FER: variants seen among roughly 807,000 people sequenced by gnomAD.
FER encodes tyrosine-protein kinase Fer.
A neutral mutation model predicts 111.0 loss-of-function variants in FER; 63 were observed. The ratio of observed to expected loss-of-function variants is 0.57; its 90% CI spans 0.46 to 0.70. The LOEUF is 0.70. FER is among the 30% of genes least tolerant of loss of function. The pLI, the probability that FER is intolerant of heterozygous loss-of-function variation, is 0.00. For synonymous variants in FER, 327 were observed against 313.9 expected (o/e 1.04, Z -0.44); for missense variants, 914 against 954.0 (o/e 0.96, Z 0.55).
At chr5:108,980,396 A>C (rs956360363) in intron 13 of FER, among the ~76,000 whole-genome samples, 1 of 152,126 alleles carries the variant, frequency 6.6e-6, no homozygotes, top group Admixed American at 6.6e-5. Context: ...AAGGTCTAAA[A>C]TTTTTGCATA....
At chr5:108,794,526 A>AACCCCCCCCCCCC (rs1755778227) in intron 2 of FER, among the ~76,000 whole-genome samples, 2 of 106,356 alleles carry the variant, frequency 1.9e-5, no homozygotes, top group Non-Finnish European at 1.9e-5. Flanking sequence ...CCCCCTCCGC[A>AACCCCCCCCCCCC]CCCCCCCCCC....
intron 17 of FER, among the ~76,000 whole-genome samples, chr5:109,117,178 A>C (rs1396457317): frequency 2.0e-5 from 3 of 152,162 alleles, no homozygotes; most frequent in Admixed American, 2.0e-4. Flanking sequence ...TCAGGAATAC[A>C]TTCTAGAATG....
At chr5:108,869,075 A>G (rs528282290) in intron 6 of FER, among the ~76,000 whole-genome samples, 17 of 152,258 alleles carry the variant, frequency 1.1e-4, no homozygotes, top group African/African-American at 4.1e-4. Context: ...TAGTGTTCCA[A>G]TAATGGAACA....
At chr5:108,993,616 CAAGGGCGAGGGCGAGGGT>C (rs1561737089) in intron 13 of FER, among the ~76,000 whole-genome samples, 17,192 of 123,200 alleles carry the variant, frequency 0.14, 1,075 homozygotes, top group Non-Finnish European at 0.17. Flanking sequence ...AGGGAGAGGG[CAAGGGCGAGGGCGAGGGT>C]GAGGGCGAGG....
At chr5:108,857,595 A>G (rs866428582) in intron 5 of FER, among the ~76,000 whole-genome samples, 2 of 152,154 alleles carry the variant, frequency 1.3e-5, no homozygotes, top group African/African-American at 4.8e-5. Context: ...TTTTATGTCT[A>G]TCAATGGTTC....
intron 16 of FER, among the ~76,000 whole-genome samples, chr5:109,092,119 A>T (rs1454309814): frequency 6.6e-6 from 1 of 151,904 alleles, no homozygotes; most frequent in Non-Finnish European, 1.5e-5. Flanking sequence ...TTTATCTTGG[A>T]GTTGCCTAAA....
At chr5:108,922,027 A>G (rs1214671385) in intron 10 of FER, among the ~76,000 whole-genome samples, 2 of 152,208 alleles carry the variant, frequency 1.3e-5, no homozygotes, top group Non-Finnish European at 2.9e-5. Context: ...CCTTATAAGA[A>G]GAGAAGAGAG....
At chr5:109,006,830 A>G (rs78597648) in intron 13 of FER, among the ~76,000 whole-genome samples, 3,188 of 151,864 alleles carry the variant, frequency 0.021, 98 homozygotes, top group African/African-American at 0.068. Flanking sequence ...TGGTGGGGGG[A>G]AAAAAAATCT....
intron 12 of FER, among the ~76,000 whole-genome samples, chr5:108,958,240 A>T (rs1420858056): frequency 1.3e-5 from 2 of 151,904 alleles, no homozygotes; most frequent in Admixed American, 1.3e-4. Context: ...CAGCTGGGAA[A>T]GTAATCTTCC....
intron 13 of FER, among the ~76,000 whole-genome samples, chr5:108,963,459 G>T (rs1759405657): frequency 6.6e-6 from 1 of 152,114 alleles, no homozygotes; most frequent in African/African-American, 2.4e-5. Context: ...CTACTTGGGG[G>T]GCTGAGGCAG....
intron 16 of FER, among the ~76,000 whole-genome samples, chr5:109,096,532 A>G (rs1453213629): frequency 6.6e-6 from 1 of 151,904 alleles, no homozygotes; most frequent in Admixed American, 6.6e-5. Context: ...CTTTCATCCT[A>G]AGGCTGCCAA....
At chr5:109,071,218 T>G (rs1775725372) in intron 16 of FER, among the ~76,000 whole-genome samples, 2 of 152,070 alleles carry the variant, frequency 1.3e-5, no homozygotes, top group African/African-American at 2.4e-5. Flanking sequence ...TATCCTCTAG[T>G]CTGTGAGAGT....
chr5:109,027,983 G>A (rs190840014), intron 13 of FER, among the ~76,000 whole-genome samples: 3 of 152,188 alleles, frequency 2.0e-5, no homozygotes. Flanking sequence ...TGACAATTTT[G>A]TTGAAACCTT....
intron 3 of FER, among the ~76,000 whole-genome samples, chr5:108,802,076 AT>A (rs1018727656): frequency 1.3e-5 from 2 of 152,138 alleles, no homozygotes; most frequent in African/African-American, 4.8e-5. Context: ...GGAATTTTCC[AT>A]TTTTGGATTA....
chr5:109,136,043 G>T (rs980661895), intron 17 of FER, among the ~76,000 whole-genome samples: 5 of 151,974 alleles, frequency 3.3e-5, no homozygotes, highest in Admixed American at 6.6e-5. Context: ...TTAACTTGAG[G>T]TCTGGAGTTT....
chr5:109,004,057 T>C (rs985948001), intron 13 of FER, among the ~76,000 whole-genome samples: 2 of 152,140 alleles, frequency 1.3e-5, no homozygotes, highest in Non-Finnish European at 2.9e-5. Context: ...AAACAATAAA[T>C]GTCATTGCTA....
At chr5:108,995,016 A>G (rs1216261192) in intron 13 of FER, among the ~76,000 whole-genome samples, 1 of 152,090 alleles carries the variant, frequency 6.6e-6, no homozygotes, top group African/African-American at 2.4e-5. Context: ...TGGGGCTGAG[A>G]CTATTGGGTT....
At chr5:109,107,261 T>A (rs1749051513) in intron 17 of FER, among the ~76,000 whole-genome samples, 1 of 152,186 alleles carries the variant, frequency 6.6e-6, no homozygotes, top group African/African-American at 2.4e-5. Context: ...TACAAATGGT[T>A]ACAGTTACCA....
chr5:109,043,295 A>G (rs1771445056), intron 14 of FER, among the ~76,000 whole-genome samples: 1 of 152,198 alleles, frequency 6.6e-6, no homozygotes, highest in African/African-American at 2.4e-5. Context: ...CTCTGATGTA[A>G]TAAATAATCT....
Sources: gnomAD v4.1 joint callset for allele counts (sites outside exome capture counted in the v4.1 genomes callset) on GRCh38, gnomAD v4.1.1 for gene constraint, MANE v1.5 for transcripts, NCBI Gene and HGNC (gene_info 2026-07-23, HGNC 2026-07-21) for gene names.